Variants in LAMA5 observed in about 807,000 individuals in gnomAD.
LAMA5 encodes laminin subunit alpha-5.
In LAMA5, 260 loss-of-function variants were observed where a neutral mutation model predicts 433.4. The observed-to-expected ratio is 0.60, with a 90% confidence interval of 0.54 to 0.66. The LOEUF (loss-of-function observed/expected upper bound fraction) is 0.66. LAMA5 is among the 30% of genes least tolerant of loss of function. LAMA5 has a pLI of 0.00. For synonymous variants in LAMA5, 2,620 were observed against 2,226.6 expected (o/e 1.18, Z -4.97); for missense variants, 5,378 against 5,258.5 (o/e 1.02, Z -0.70).
rs1387055291 is a variant in LAMA5, at chr20:62,337,850, G to A, written c.1980C>T (p.Ala660=). ...GAAAGCCGGGGCTGCATTCCTGGCA[G>A]GCAGTGCCTGTGTAGCCGGGGCGGC... ...CRCRPGYTGT[A]CQECSPGFHG... The change falls in exon 15 of 80, where the codon GCC becomes GCT. Residue 660 remains alanine, a synonymous_variant. Coordinates refer to ENST00000252999, the MANE Select transcript of LAMA5 (RefSeq NM_005560.6). 1 of 1,612,766 alleles carries A rather than the reference G, an allele frequency of 6.2e-7. No homozygotes were observed. Among genetic ancestry groups the A allele is most frequent in the South Asian group, 1.1e-5 (1 of 91,076 alleles).
At chr20:62,325,076 G>C (rs1032962965) in intron 41 of LAMA5, 6 of 192,388 alleles carry the variant, frequency 3.1e-5, no homozygotes, top group Non-Finnish European at 2.1e-5. Context: ...TATGGAGGGT[G>C]TGTGCATGGA....
At position 62,333,100 on chromosome 20, in the gene LAMA5, G is replaced by C. The variant is rs372211478; in HGVS notation, c.3272C>G (p.Thr1091Arg). 1.3e-6 allele frequency: 2 copies of C among 1,505,874 alleles called. No homozygotes were observed. Among genetic ancestry groups the C allele is most frequent in the East Asian group, 4.6e-5 (2 of 43,478 alleles). The allele number at this position is 1,505,874 out of a possible 1,614,324, so 93.3% of individuals were successfully genotyped here. Residue 1091 changes from threonine (T) to arginine (R), a missense_variant, in exon 26 of 80, where the codon ACG becomes AGG. By Grantham distance (71) the Thr-to-Arg change is moderately conservative. Transcript: ENST00000252999. ...TCCCAGGACACGCACATCACTGCCC[G>C]TGCAGGTGATCAGTGGCGGGTGCGA... The part of the protein sequence containing the change: ...SPSHPPLITC[T>R]GSDVDVQLQV...
chr20:62,328,121 G>A (rs1568931696), intron 35 of LAMA5, 111 bp from the exon 36 acceptor site: 10 of 1,526,594 alleles, frequency 6.6e-6, no homozygotes, highest in Non-Finnish European at 8.8e-6. Context: ...TGGAGGAGAG[G>A]GCGCTGCTGC....
rs769541786 is a variant in LAMA5, at chr20:62,309,447, G to C, written c.10977C>G (p.Pro3659=). 3.2e-6 allele frequency: 5 copies of C among 1,583,168 alleles called. No homozygotes were observed. The highest frequency in any genetic ancestry group is 2.6e-6 in the Non-Finnish European group (3 of 1,174,108). Residue 3659 remains proline (P), a synonymous_variant, in exon 80 of 80, where the codon CCC becomes CCG. Transcript: ENST00000252999. The part of the protein sequence containing the change: ...PEPMAVQPWP[P]AYCGCMRRLA... ...GCCTCCTCATGCAGCCGCAGTAGGC[G>C]GGGGGCCAGGGCTGCACGGCCATGG...
rs144409622 is a variant in LAMA5 at position 62,331,049 on chromosome 20, G to A, written c.3633C>T (p.Gly1211=). 9.0e-5 allele frequency: 144 copies of A among 1,600,938 alleles called. No homozygotes were observed. The African/African-American group carries it at 1.5e-3, about 17-fold the overall frequency. Residue 1211 remains glycine, a synonymous_variant, in exon 29 of 80, where the codon GGC becomes GGT. Coordinates refer to ENST00000252999, the MANE Select transcript of LAMA5 (RefSeq NM_005560.6). ...GCCATTACCTGTTGGGGCCAAAGGC[G>A]CCGTGGCTGCTGATGCAGCTGACCC... ...EPRVSCISSH[G]AFGPNSAACL...
At position 62,317,663 on chromosome 20, in the gene LAMA5, T is replaced by C; in HGVS notation, c.7355A>G (p.Glu2452Gly). The C allele has an allele frequency of 1.3e-6, 2 of 1,575,590 alleles. No homozygotes were observed. Among genetic ancestry groups the C allele is most frequent in the Non-Finnish European group, 1.7e-6 (2 of 1,161,664 alleles). The change falls in exon 54 of 80, where the codon GAG becomes GGG. Residue 2452 changes from glutamate to glycine, a missense_variant and splice_region_variant. By Grantham distance (98) the Glu-to-Gly change is moderately conservative (BLOSUM62 -2). Coordinates refer to ENST00000252999, the MANE Select transcript of LAMA5 (RefSeq NM_005560.6). ...ACAGGGGCCAGGGGCTGCACTCACC[T>C]CCTTAGCCTGGTCCAGGCTGTGCAG... ...RLLHSLDQAK[E>G]ELERLAASLD...
Position 62,316,250 on chromosome 20 carries a change from G to T in LAMA5, c.7757-192C>A. 5.0e-6 allele frequency: 3 copies of T among 597,186 alleles called. No individual in the cohort carries two copies. In the South Asian group the frequency reaches 5.9e-5, roughly 12 times the overall value. The allele number at this position is 597,186 out of a possible 1,614,324, so 37.0% of individuals were successfully genotyped here. On this transcript the variant is annotated intron_variant, in intron 57 of 79. Coordinates refer to ENST00000252999, the MANE Select transcript of LAMA5 (RefSeq NM_005560.6). ...TCAGCGTAGCCTCTGTTCCCTGAAG[G>T]CCTCTGGTCCCACTGCAGGCATAGC...
In LAMA5 at chr20:62,367,085, T is replaced by A; in HGVS notation, c.161A>T (p.Glu54Val). ...SLHPPYFNLA[E>V]GARIAASATC... ...CGCGGAGGCGGCGATGCGGGCGCCC[T>A]CGGCCAGGTTGAAGTAGGGCGGGTG... Residue 54 changes from glutamate (E) to valine (V), a missense_variant, in exon 1 of 80, where the codon GAG (glutamate) becomes GTG (valine). Physicochemically the swap from Glu to Val is moderately radical, Grantham distance 121. Coordinates refer to ENST00000252999, the MANE Select transcript of LAMA5 (RefSeq NM_005560.6). 1 of 1,266,276 alleles carries A rather than the reference T, an allele frequency of 7.9e-7. No individual in the cohort carries two copies. Among genetic ancestry groups the A allele is most frequent in the Middle Eastern group, 3.0e-4 (1 of 3,382 alleles). 78.4% of individuals were successfully genotyped at this position (1,266,276 alleles called of 1,614,324 possible).
chr20:62,314,701 C>A lies in LAMA5; in HGVS notation c.8221G>T (p.Gly2741Trp). The A allele has an allele frequency of 6.2e-7, 1 of 1,612,626 alleles. No individual in the cohort carries two copies. The highest frequency in any genetic ancestry group is 8.5e-7 in the Non-Finnish European group (1 of 1,179,844). Residue 2741 changes from glycine to tryptophan, a missense_variant, in exon 61 of 80, where the codon GGG (glycine) becomes TGG (tryptophan). Gly to Trp is a radical substitution (Grantham distance 184). Coordinates refer to ENST00000252999, the MANE Select transcript of LAMA5 (RefSeq NM_005560.6). Reference protein sequence around the residue: ...SKVKVPMKFNGRSGVQLRTPR... With the variant: ...SKVKVPMKFNWRSGVQLRTPR... The stretch of plus-strand genomic sequence containing the variant: ...GTGCGCAGCTGCACCCCTGAGCGCC[C>A]GTTGAACTTCATGGGCACCTTGACC...
At position 62,324,640 on chromosome 20, in the gene LAMA5, A is replaced by AT. The variant is rs1978942114; in HGVS notation, c.5530-87dup. ...AAGCTCACAAGTCAGACCCTCAGGG[A>AT]TCCTGCAGGCACGAGGCACTGGGAA... On this transcript the variant is annotated intron_variant, in intron 41 of 79. Coordinates refer to ENST00000252999, the MANE Select transcript of LAMA5 (RefSeq NM_005560.6). The surrounding 1 kb of genome is among the most constrained non-coding windows in gnomAD (Gnocchi z 4.4). 7.1e-6 allele frequency: 6 copies of AT among 842,014 alleles called. No individual in the cohort carries two copies. In the East Asian group the frequency reaches 1.6e-4, roughly 22 times the overall value. The allele number at this position is 842,014 out of a possible 1,614,324, so 52.2% of individuals were successfully genotyped here.
rs995751164 is a variant in LAMA5 at position 62,309,229 on chromosome 20, C to G, written c.*107G>C. ...CTTAAACCATCTTCAGAAACAAGAT[C>G]TGTCACCCGTAGAGCTTAGAGTCCA... On this transcript the variant is annotated 3_prime_UTR_variant, in exon 80 of 80. Coordinates refer to ENST00000252999, the MANE Select transcript of LAMA5 (RefSeq NM_005560.6). 9.2e-7 allele frequency: 1 copy of G among 1,087,368 alleles called. No individual in the cohort carries two copies. 67.4% of individuals were successfully genotyped at this position (1,087,368 alleles called of 1,614,324 possible).
intron 70 of LAMA5, 35 bp from the exon 71 acceptor site, chr20:62,311,819 C>T: frequency 1.2e-6 from 1 of 819,764 alleles, no homozygotes; most frequent in Non-Finnish European, 1.9e-6. Context: ...CGGTTTTTCC[C>T]CACCCTGCCC....
chr20:62,324,574 G>A lies in LAMA5; in HGVS notation c.5530-20C>T, dbSNP rs754775480. On this transcript the variant is annotated intron_variant, in intron 41 of 79. Coordinates refer to ENST00000252999, the MANE Select transcript of LAMA5 (RefSeq NM_005560.6). This position sits in a 1 kb window ranked among gnomAD's most constrained non-coding sequence, Gnocchi z 4.4. ...ACATTCCTGAGGGTGTACGGGGGCA[G>A]GTGGCATCAGCGATTGAGAGGACGA... is the stretch of plus-strand genomic sequence containing the variant. 1.2e-5 allele frequency: 19 copies of A among 1,569,608 alleles called. No individual in the cohort carries two copies. Among genetic ancestry groups the A allele is most frequent in the Admixed American group, 1.7e-5 (1 of 58,340 alleles).
At chr20:62,357,018 C>T (rs1200150596) in intron 2 of LAMA5, among the ~76,000 whole-genome samples, 2 of 152,170 alleles carry the variant, frequency 1.3e-5, no homozygotes, top group South Asian at 2.1e-4. Flanking sequence ...GTGGGGCTTT[C>T]GGGGACCCTG....
rs148169370 is a variant in LAMA5 at position 62,317,394 on chromosome 20, C to T, written c.7462G>A (p.Ala2488Thr). The change falls in exon 55 of 80, where the codon GCC (alanine) becomes ACC (threonine). Residue 2488 changes from alanine (A) to threonine (T), a missense_variant. Physicochemically the swap from Ala to Thr is moderately conservative, Grantham distance 58. Transcript: ENST00000252999. The part of the protein sequence containing the change: ...AGSKLRLVEA[A>T]EAHAQQLGQL... The stretch of plus-strand genomic sequence containing the variant: ...CCCAGCTGCTGTGCGTGGGCCTCGG[C>T]GGCCTCCACTAGACGCAGCTTGCTG... 0.014 allele frequency: 22,439 copies of T among 1,609,764 alleles called. 189 individuals carry two copies. The highest frequency in any genetic ancestry group is 0.016 in the Non-Finnish European group (19,057 of 1,178,942).
rs1402717885 is a variant in LAMA5, at chr20:62,319,620, C to G, written c.6871+64G>C. ...TCCAGGCCAAGCTCGGCCAGGCACC[C>G]CCACCCCTACCCCAGGCAGCCCTCC... On this transcript the variant is annotated intron_variant, in intron 51 of 79. Coordinates refer to ENST00000252999, the MANE Select transcript of LAMA5 (RefSeq NM_005560.6). 3.2e-6 allele frequency: 4 copies of G among 1,243,428 alleles called. No individual in the cohort carries two copies. The African/African-American group carries it at 5.9e-5, about 18-fold the overall frequency. 77.0% of individuals were successfully genotyped at this position (1,243,428 alleles called of 1,614,324 possible). A position where few individuals can be genotyped will look rare whatever the true frequency, so the allele number is the denominator to read the frequency against.
chr20:62,328,081 C>A, intron 35 of LAMA5, 71 bp from the exon 36 acceptor site: 1 of 1,580,182 alleles, frequency 6.3e-7, no homozygotes, highest in Non-Finnish European at 8.6e-7. Flanking sequence ...CTCGTAGGCA[C>A]CCCCCACCCA....
rs774457571 is a variant in LAMA5, at chr20:62,332,602, C to T, written c.3398G>A (p.Arg1133Gln). Residue 1133 changes from arginine (R) to glutamine (Q), a missense_variant, in exon 27 of 80, where the codon CGG becomes CAG. By Grantham distance (43) the Arg-to-Gln change is conservative (BLOSUM62 1). Coordinates refer to ENST00000252999, the MANE Select transcript of LAMA5 (RefSeq NM_005560.6). ...GGAGAGCAGCCCCTGCTGGGGGGCC[C>T]GCTGTGGGGTGTGCACGGCCACGCC... ...EVGVAVHTPQ[R>Q]APQQGLLSLH... The T allele has an allele frequency of 3.6e-5, 57 of 1,595,778 alleles. No individual in the cohort carries two copies. Among genetic ancestry groups the T allele is most frequent in the Non-Finnish European group, 4.6e-5 (54 of 1,170,116 alleles).
In LAMA5 at chr20:62,313,478, G is replaced by A. The variant is rs201457991; in HGVS notation, c.8659-18C>T. 3 of 1,589,662 alleles carry A rather than the reference G, an allele frequency of 1.9e-6. No individual in the cohort carries two copies. The highest frequency in any genetic ancestry group is 2.6e-6 in the Non-Finnish European group (3 of 1,169,234). ...GGAGGGGGCTGTGGGCACAGGGCTG[G>A]GTCAGGGCACCTGGCCTGAGGCGCC... On this transcript the variant is annotated intron_variant, in intron 63 of 79. Transcript: ENST00000252999.
Sources: gnomAD v4.1 joint callset for allele counts (sites outside exome capture counted in the v4.1 genomes callset) on GRCh38, gnomAD v4.1.1 for gene constraint, Gnocchi (gnomAD v3.1) non-coding constraint, MANE v1.5 for transcripts, NCBI Gene and HGNC (gene_info 2026-07-23, HGNC 2026-07-21) for gene names.